RGS10: variants seen among roughly 807,000 people sequenced by gnomAD.
The protein encoded by RGS10 is regulator of G protein signaling 10.
In RGS10, 11 loss-of-function variants were observed where a neutral mutation model predicts 23.5. That is an observed-to-expected ratio of 0.47 (90% CI 0.29 to 0.77). RGS10 has a LOEUF of 0.77. RGS10 is among the 30% of genes least tolerant of loss of function. The pLI, the probability that RGS10 is intolerant of heterozygous loss-of-function variation, is 0.08. For missense variants in RGS10, 180 were observed against 226.3 expected (o/e 0.80, Z 1.31); for synonymous variants, 77 against 83.2 (o/e 0.92, Z 0.41).
At chr10:119,540,372 G>A (rs756869475) in intron 1 of RGS10, among the ~76,000 whole-genome samples, 36 of 152,104 alleles carry the variant, frequency 2.4e-4, no homozygotes, top group Non-Finnish European at 4.6e-4. Flanking sequence ...CACTTCAGCC[G>A]TCTAAGGAGC....
intron 4 of RGS10, 136 bp downstream of exon 4, chr10:119,515,373 C>T: frequency 4.9e-6 from 5 of 1,024,126 alleles, no homozygotes; most frequent in South Asian, 4.8e-5. Flanking sequence ...ACCATGGCCC[C>T]TCAGTGTACC....
intron 4 of RGS10, among the ~76,000 whole-genome samples, chr10:119,507,997 T>C (rs1589833678): frequency 6.6e-6 from 1 of 152,018 alleles, no homozygotes; most frequent in East Asian, 1.9e-4. Flanking sequence ...AAACTCTGCT[T>C]GTGTATTTAT....
intron 2 of RGS10, among the ~76,000 whole-genome samples, chr10:119,526,899 G>A (rs533325924): frequency 1.2e-3 from 178 of 151,894 alleles, no homozygotes; most frequent in African/African-American, 3.2e-3. Flanking sequence ...AGGTCCCTTC[G>A]CCAAGTTCTC....
rs1221777359 is a variant in RGS10, at chr10:119,517,162, G to A, written c.256-1510C>T. 2.0e-5 allele frequency among the ~76,000 whole-genome samples: 3 copies of A among 152,244 alleles called. No individual in the cohort carries two copies. Among genetic ancestry groups the A allele is most frequent in the Admixed American group, 6.5e-5 (1 of 15,284 alleles). The stretch of plus-strand genomic sequence containing the variant: ...TTGATAGCTGGGGCATGAAAGGAAG[G>A]AAGGGTAGCCCTTTTTTAGTTCAGG... On this transcript the variant is annotated intron_variant, in intron 3 of 4. Coordinates refer to ENST00000369103, the MANE Select transcript of RGS10 (RefSeq NM_001005339.2). This position sits in a 1 kb window ranked among gnomAD's most constrained non-coding sequence, Gnocchi z 5.0.
chr10:119,527,590 C>A lies in RGS10; in HGVS notation c.50-166G>T, dbSNP rs527971111. ...ACATGATGGACTCATTCTTGTCACA[C>A]AACCCTGTAAGGCAGGCACTACTAT... On this transcript the variant is annotated intron_variant, in intron 1 of 4. Coordinates refer to ENST00000369103, the MANE Select transcript of RGS10 (RefSeq NM_001005339.2). The surrounding 1 kb of genome is among the most constrained non-coding windows in gnomAD (Gnocchi z 4.2). The A allele has an allele frequency of 2.4e-4, 150 of 623,698 alleles. No individual in the cohort carries two copies. Among genetic ancestry groups the A allele is most frequent in the Non-Finnish European group, 4.0e-4 (140 of 347,294 alleles). The allele number at this position is 623,698 out of a possible 1,614,324, so 38.6% of individuals were successfully genotyped here. A position where few individuals can be genotyped will look rare whatever the true frequency, so the allele number is the denominator to read the frequency against.
At chr10:119,536,387 T>C (rs1289172746) in intron 1 of RGS10, 1 of 1,375,138 alleles carries the variant, frequency 7.3e-7, no homozygotes, top group Non-Finnish European at 1.0e-6. Flanking sequence ...AGCACACTCT[T>C]CCCAGCCCCT....
At chr10:119,512,947 A>T (rs1844095792) in intron 4 of RGS10, among the ~76,000 whole-genome samples, 1 of 152,248 alleles carries the variant, frequency 6.6e-6, no homozygotes, top group African/African-American at 2.4e-5. Context: ...CATATACATT[A>T]TTATTACACT....
At chr10:119,534,539 C>T (rs1270772746) in intron 1 of RGS10, among the ~76,000 whole-genome samples, 1 of 140,246 alleles carries the variant, frequency 7.1e-6, no homozygotes, top group Non-Finnish European at 1.5e-5. Flanking sequence ...TGCAGTCAGC[C>T]GAGATCGTGC....
intron 4 of RGS10, among the ~76,000 whole-genome samples, chr10:119,512,396 C>A (rs1844088793): frequency 6.6e-6 from 1 of 151,378 alleles, no homozygotes. Context: ...TACAGCAAGG[C>A]CCCGGAGAGA....
rs944909990 is a variant in RGS10 at position 119,520,409 on chromosome 10, T to C, written c.256-4757A>G. 1.3e-5 allele frequency among the ~76,000 whole-genome samples: 2 copies of C among 151,810 alleles called. 1 individual carries two copies. Among genetic ancestry groups the C allele is most frequent in the South Asian group, 4.2e-4 (2 of 4,806 alleles). On this transcript the variant is annotated intron_variant, in intron 3 of 4. Transcript: ENST00000369103. The stretch of plus-strand genomic sequence containing the variant: ...GGGCATCAGGTAGCCCAGACGGAAT[T>C]GATGAGGGCGGCAGAAAGAAGCCAT...
chr10:119,510,729 T>G (rs1844067304), intron 4 of RGS10, among the ~76,000 whole-genome samples: 1 of 152,168 alleles, frequency 6.6e-6, no homozygotes, highest in African/African-American at 2.4e-5. Flanking sequence ...TTTGTTTATT[T>G]GTTTTTTGAG....
At chr10:119,512,649 G>T (rs1844091950) in intron 4 of RGS10, among the ~76,000 whole-genome samples, 2 of 152,112 alleles carry the variant, frequency 1.3e-5, no homozygotes, top group Admixed American at 6.6e-5. Context: ...CCAGGCTTAA[G>T]CAGTTCTCCT....
Position 119,517,152 on chromosome 10 carries a change from T to A in RGS10, c.256-1500A>T, listed in dbSNP as rs1029050105. 6.6e-6 allele frequency among the ~76,000 whole-genome samples: 1 copy of A among 152,126 alleles called. No individual in the cohort carries two copies. The highest frequency in any genetic ancestry group is 1.5e-5 in the Non-Finnish European group (1 of 68,022). Reference sequence around the variant, plus strand: ...CCAGAAGGTTTTGATAGCTGGGGCATGAAAGGAAGGAAGGGTAGCCCTTTT... The same window carrying A: ...CCAGAAGGTTTTGATAGCTGGGGCAAGAAAGGAAGGAAGGGTAGCCCTTTT... On this transcript the variant is annotated intron_variant, in intron 3 of 4. Transcript: ENST00000369103. The surrounding 1 kb of genome is among the most constrained non-coding windows in gnomAD (Gnocchi z 5.0).
rs867503852 is a variant in RGS10, at chr10:119,524,893, C to T, written c.255+1139G>A. 2.0e-5 allele frequency among the ~76,000 whole-genome samples: 3 copies of T among 152,098 alleles called. No homozygotes were observed. Among genetic ancestry groups the T allele is most frequent in the Non-Finnish European group, 2.9e-5 (2 of 68,028 alleles). ...CGCCATCCAGGAGGATGGGTGTCTG[C>T]GCCCGGAAAGGCCTTTGAATAAACC... On this transcript the variant is annotated intron_variant, in intron 3 of 4. Coordinates refer to ENST00000369103, the MANE Select transcript of RGS10 (RefSeq NM_001005339.2). This position sits in a 1 kb window ranked among gnomAD's most constrained non-coding sequence, Gnocchi z 5.2.
intron 3 of RGS10, among the ~76,000 whole-genome samples, chr10:119,523,333 CG>C (rs1321813789): frequency 6.6e-6 from 1 of 152,132 alleles, no homozygotes; most frequent in Non-Finnish European, 1.5e-5. Flanking sequence ...AAGCAATTGC[CG>C]GGTGCATTCC....
chr10:119,540,285 C>T (rs1844424705), intron 1 of RGS10, among the ~76,000 whole-genome samples: 1 of 152,064 alleles, frequency 6.6e-6, no homozygotes, highest in Non-Finnish European at 1.5e-5. Context: ...GGATCTCACT[C>T]TGTCACCCAG....
chr10:119,536,617 T>C, intron 1 of RGS10: 2 of 928,368 alleles, frequency 2.2e-6, no homozygotes, highest in South Asian at 1.7e-5. Flanking sequence ...CTCTTTTAAG[T>C]GGACTAAACA....
rs1256301028 is a variant in RGS10 at position 119,524,869 on chromosome 10, G to A, written c.255+1163C>T. ...GGTGGTGGAGAAAAGGCCGCGCTGC[G>A]CCATCCAGGAGGATGGGTGTCTGCG... is the stretch of plus-strand genomic sequence containing the variant. On this transcript the variant is annotated intron_variant, in intron 3 of 4. Coordinates refer to ENST00000369103, the MANE Select transcript of RGS10 (RefSeq NM_001005339.2). This position sits in a 1 kb window ranked among gnomAD's most constrained non-coding sequence, Gnocchi z 5.2. Among the ~76,000 whole-genome samples the A allele has an allele frequency of 2.6e-5, 4 of 152,138 alleles. No individual in the cohort carries two copies. Among genetic ancestry groups the A allele is most frequent in the Non-Finnish European group, 5.9e-5 (4 of 68,032 alleles).
rs777001990 is a variant in RGS10, at chr10:119,500,078, C to T, written c.*35G>A. ...ACGGTCCTGAGAGGAAATTCCTTTG[C>T]TTCTTAAAGCTGCCAGTCCCGGCTT... On this transcript the variant is annotated 3_prime_UTR_variant, in exon 5 of 5. Coordinates refer to ENST00000369103, the MANE Select transcript of RGS10 (RefSeq NM_001005339.2). 35 of 1,602,830 alleles carry T rather than the reference C, an allele frequency of 2.2e-5. No individual in the cohort carries two copies. Among genetic ancestry groups the T allele is most frequent in the African/African-American group, 4.0e-5 (3 of 74,182 alleles).
Sources: allele counts gnomAD v4.1 joint callset (sites outside exome capture counted in the v4.1 genomes callset), GRCh38; gene constraint gnomAD v4.1.1; non-coding constraint Gnocchi (gnomAD v3.1); transcripts MANE v1.5; gene names NCBI Gene and HGNC (gene_info 2026-07-23, HGNC 2026-07-21).